Variants in PSD3 observed in about 807,000 individuals in gnomAD.
PSD3 encodes the protein PH and SEC7 domain-containing protein 3.
In PSD3, 49 loss-of-function variants were observed where a neutral mutation model predicts 105.5. The observed-to-expected ratio is 0.46, with a 90% CI of 0.37 to 0.59. PSD3 has a LOEUF of 0.59. Ranked by LOEUF, PSD3 falls within the 20% of genes least tolerant of loss-of-function variation. PSD3 has a pLI of 0.00. For synonymous variants in PSD3, 557 were observed against 457.8 expected, an observed-to-expected ratio of 1.22 and a Z score of -2.77; for missense variants, 1,561 against 1,263.8, an observed-to-expected ratio of 1.24 and a Z score of -3.57.
At chr8:18,987,812 C>CA (rs908151221) in intron 1 of PSD3, among the ~76,000 whole-genome samples, 12 of 148,022 alleles carry the variant, frequency 8.1e-5, no homozygotes, top group African/African-American at 2.2e-4. Context: ...GACCCTGTCT[C>CA]AAAAAAAAAG....
At chr8:18,900,643 C>CTTTTT (rs34004085) in intron 2 of PSD3, among the ~76,000 whole-genome samples, 1 of 83,976 alleles carries the variant, frequency 1.2e-5, no homozygotes, top group Non-Finnish European at 2.2e-5. Context: ...AGAGACAACT[C>CTTTTT]TTTTTTTTTT....
chr8:18,903,664 C>T (rs1334465047), intron 2 of PSD3, among the ~76,000 whole-genome samples: 1 of 152,166 alleles, frequency 6.6e-6, no homozygotes, highest in Admixed American at 6.5e-5. Flanking sequence ...AGCCAGGGCA[C>T]TGATACCCCA....
intron 1 of PSD3, among the ~76,000 whole-genome samples, chr8:19,066,297 T>G (rs111796227): frequency 6.6e-6 from 1 of 152,232 alleles, no homozygotes; most frequent in South Asian, 2.1e-4. Flanking sequence ...CCATCTCAGT[T>G]CTGAGAAAAT....
intron 9 of PSD3, among the ~76,000 whole-genome samples, chr8:18,741,203 G>A (rs367618323): frequency 3.3e-5 from 5 of 152,184 alleles, no homozygotes; most frequent in Admixed American, 2.6e-4. Context: ...TCCAGAGAAC[G>A]AGCGAAGCAT....
At chr8:18,558,639 G>A (rs925744062) in intron 14 of PSD3, among the ~76,000 whole-genome samples, 1 of 152,070 alleles carries the variant, frequency 6.6e-6, no homozygotes, top group African/African-American at 2.4e-5. Flanking sequence ...TGACTAACAT[G>A]GTGAAACCCT....
chr8:18,546,653 T>C (rs1460951940), intron 15 of PSD3, among the ~76,000 whole-genome samples: 1 of 152,264 alleles, frequency 6.6e-6, no homozygotes, highest in Non-Finnish European at 1.5e-5. Context: ...ATTTAAGATC[T>C]ATTATCCTCA....
rs979552200 is a variant in PSD3 at position 18,934,229 on chromosome 8, T to G, written c.130+1805A>C. 2.0e-5 allele frequency among the ~76,000 whole-genome samples: 3 copies of G among 152,154 alleles called. 1 individual carries two copies. The highest frequency in any genetic ancestry group is 4.4e-5 in the Non-Finnish European group (3 of 68,020). ...CTGAGCAACAGCTGTATGTATTAAG[T>G]CAGATTCTTGGTCTTCCCAAAACAA... On this transcript the variant is annotated intron_variant, in intron 2 of 15. Transcript: ENST00000327040.
intron 1 of PSD3, among the ~76,000 whole-genome samples, chr8:18,963,578 G>T (rs1384620047): frequency 6.6e-6 from 1 of 152,148 alleles, no homozygotes; most frequent in Non-Finnish European, 1.5e-5. Flanking sequence ...CCACCACAGT[G>T]TTTAAAAATT....
At chr8:18,537,682 CT>C (rs34193973) in intron 15 of PSD3, among the ~76,000 whole-genome samples, 130,541 of 148,182 alleles carry the variant, frequency 0.88, 57,611 homozygotes, top group South Asian at 0.95. Flanking sequence ...GCCTCTCATT[CT>C]TTTTTTTTTT....
intron 4 of PSD3, among the ~76,000 whole-genome samples, chr8:18,855,600 C>A (rs1027477585): frequency 2.6e-5 from 4 of 152,116 alleles, no homozygotes; most frequent in Non-Finnish European, 4.4e-5. Context: ...GCCACCACTG[C>A]CAGGCAAAGG....
At chr8:18,554,075 G>C (rs986371140) in intron 15 of PSD3, among the ~76,000 whole-genome samples, 2 of 152,150 alleles carry the variant, frequency 1.3e-5, no homozygotes, top group Non-Finnish European at 2.9e-5. Flanking sequence ...AAGAGGTAGC[G>C]CTGTCGACTC....
At chr8:18,665,996 C>T (rs1016430109) in intron 9 of PSD3, among the ~76,000 whole-genome samples, 4 of 152,232 alleles carry the variant, frequency 2.6e-5, no homozygotes, top group South Asian at 2.1e-4. Context: ...ATAAGCAAAA[C>T]GATGACAACT....
At chr8:19,013,406 G>A (rs1291588022) in intron 1 of PSD3, among the ~76,000 whole-genome samples, 157 bp downstream of exon 1, 1 of 152,152 alleles carries the variant, frequency 6.6e-6, no homozygotes, top group African/African-American at 2.4e-5. Flanking sequence ...AAGCAAGCGC[G>A]AAGAGAAAAA....
In PSD3 at chr8:18,953,642, G is replaced by C. The variant is rs370867093; in HGVS notation, c.22-17500C>G. Among the ~76,000 whole-genome samples the C allele has an allele frequency of 1.5e-4, 23 of 152,046 alleles. 1 individual carries two copies. In the South Asian group the frequency reaches 4.6e-3, roughly 30 times the overall value. Reference sequence around the variant, plus strand: ...CAGGCATCTGTAATCCCAGCTACTCGGGAGGCTGAGGCAGGAGAATTGCTT... The same window carrying C: ...CAGGCATCTGTAATCCCAGCTACTCCGGAGGCTGAGGCAGGAGAATTGCTT... On this transcript the variant is annotated intron_variant, in intron 1 of 15. Transcript: ENST00000327040.
intron 12 of PSD3, among the ~76,000 whole-genome samples, chr8:18,592,602 A>G (rs1309871250): frequency 6.6e-6 from 1 of 152,196 alleles, no homozygotes; most frequent in Non-Finnish European, 1.5e-5. Context: ...TGAAAGTAGC[A>G]AAAGAAAAGT....
intron 4 of PSD3, among the ~76,000 whole-genome samples, chr8:18,842,230 G>A (rs983229900): frequency 1.2e-4 from 18 of 152,190 alleles, no homozygotes; most frequent in Non-Finnish European, 2.4e-4. Context: ...TACTCTATGC[G>A]ACATCACTAT....
At chr8:18,585,202 G>C (rs886684484) in intron 12 of PSD3, among the ~76,000 whole-genome samples, 1 of 152,200 alleles carries the variant, frequency 6.6e-6, no homozygotes, top group Admixed American at 6.5e-5. Context: ...ACCAGGGAAA[G>C]TAAGGGCCTT....
chr8:18,916,716 G>C (rs1820632602), intron 2 of PSD3, among the ~76,000 whole-genome samples: 1 of 151,898 alleles, frequency 6.6e-6, no homozygotes, highest in African/African-American at 2.4e-5. Context: ...ATTGCTAAAG[G>C]AGTAGATCTT....
intron 9 of PSD3, among the ~76,000 whole-genome samples, chr8:18,723,611 C>A (rs1803147971): frequency 6.6e-6 from 1 of 152,168 alleles, no homozygotes; most frequent in Non-Finnish European, 1.5e-5. Context: ...TTCTGTATCT[C>A]CAGTACCATC....
Sources: gnomAD v4.1 joint callset for allele counts (sites outside exome capture counted in the v4.1 genomes callset) on GRCh38, gnomAD v4.1.1 for gene constraint, MANE v1.5 for transcripts, NCBI Gene and HGNC (gene_info 2026-07-23, HGNC 2026-07-21) for gene names.